The following SPMIP7 variants were observed in gnomAD, a reference collection of about 807,000 sequenced individuals.
SPMIP7 encodes the protein protein SPMIP7.
At chr7:50,134,288 A>G in the SPMIP7 span, 54 of 1,465,032 alleles carry the variant, frequency 3.7e-5, no homozygotes, top group African/African-American at 6.0e-4. Flanking sequence ...TCTCATTGTT[A>G]TTGAAATGAG....
At chr7:50,145,676 G>C in the SPMIP7 span, among the ~76,000 whole-genome samples, 1 of 89,060 alleles carries the variant, frequency 1.1e-5, no homozygotes, top group African/African-American at 4.2e-5. Flanking sequence ...TACATATATG[G>C]GAGAGAGCCC....
the SPMIP7 span, among the ~76,000 whole-genome samples, chr7:50,110,403 CAT>C: frequency 1.4e-5 from 2 of 147,136 alleles, no homozygotes; most frequent in Non-Finnish European, 3.0e-5. Flanking sequence ...ACATATTTAA[CAT>C]ATAATATATT....
At chr7:50,130,182 C>A in the SPMIP7 span, among the ~76,000 whole-genome samples, 1 of 152,218 alleles carries the variant, frequency 6.6e-6, no homozygotes, top group East Asian at 1.9e-4. Flanking sequence ...GATCTCTGCT[C>A]TCAAATCTCT....
the SPMIP7 span, among the ~76,000 whole-genome samples, chr7:50,123,639 T>C: frequency 6.6e-6 from 1 of 151,588 alleles, no homozygotes; most frequent in African/African-American, 2.4e-5. Context: ...TGAAGTGGTA[T>C]GTTAACTCTA....
the SPMIP7 span, among the ~76,000 whole-genome samples, chr7:50,158,083 C>G: frequency 6.6e-6 from 1 of 152,156 alleles, no homozygotes; most frequent in Non-Finnish European, 1.5e-5. Flanking sequence ...CCAGCAGCCT[C>G]TGGGGTAGGC....
At chr7:50,104,922 G>A in the SPMIP7 span, among the ~76,000 whole-genome samples, 2 of 152,076 alleles carry the variant, frequency 1.3e-5, no homozygotes, top group African/African-American at 2.4e-5. Context: ...TATATCACTG[G>A]AACAACAATC....
the SPMIP7 span, among the ~76,000 whole-genome samples, chr7:50,115,050 A>G: frequency 6.6e-6 from 1 of 151,470 alleles, no homozygotes; most frequent in East Asian, 1.9e-4. Context: ...AAAAAAAATT[A>G]GTACCCTACT....
the SPMIP7 span, chr7:50,139,995 T>C: frequency 1.7e-6 from 1 of 579,348 alleles, no homozygotes; most frequent in South Asian, 2.6e-5. Context: ...TTAAATAGTC[T>C]CTGTTTAAAA....
chr7:50,132,128 A>T, the SPMIP7 span, among the ~76,000 whole-genome samples: 23 of 152,146 alleles, frequency 1.5e-4, no homozygotes, highest in Admixed American at 1.5e-3. Flanking sequence ...AAGTATTAGA[A>T]CAACATGAGG....
At chr7:50,117,868 G>A in the SPMIP7 span, among the ~76,000 whole-genome samples, 7 of 152,242 alleles carry the variant, frequency 4.6e-5, no homozygotes, top group Admixed American at 2.0e-4. Context: ...TGATTTTGGC[G>A]TGTTATAGAA....
chr7:50,149,132 G>A, the SPMIP7 span, among the ~76,000 whole-genome samples: 7 of 113,498 alleles, frequency 6.2e-5, no homozygotes, highest in Non-Finnish European at 5.5e-5. Flanking sequence ...GCAATACAGC[G>A]AGATTCCATC....
At chr7:50,134,110 C>G in the SPMIP7 span, 1 of 1,541,840 alleles carries the variant, frequency 6.5e-7, no homozygotes. Context: ...CTTCATAGAG[C>G]TTATGAAGAT....
chr7:50,151,683 A>G, the SPMIP7 span: 1 of 672,814 alleles, frequency 1.5e-6, no homozygotes, highest in Non-Finnish European at 2.4e-6. Flanking sequence ...AAAATGTGGC[A>G]TCAAGTCCGA....
At chr7:50,124,080 G>A in the SPMIP7 span, among the ~76,000 whole-genome samples, 1 of 152,114 alleles carries the variant, frequency 6.6e-6, no homozygotes, top group Non-Finnish European at 1.5e-5. Flanking sequence ...TAAATAGGCT[G>A]TAGTGGCTAT....
chr7:50,154,160 T>G, the SPMIP7 span, among the ~76,000 whole-genome samples: 1 of 152,208 alleles, frequency 6.6e-6, no homozygotes, highest in Non-Finnish European at 1.5e-5. Context: ...TGATGACATA[T>G]GGGTATATAG....
chr7:50,134,309 T>G, the SPMIP7 span: 5 of 1,394,606 alleles, frequency 3.6e-6, 1 homozygote, highest in South Asian at 7.5e-5. Flanking sequence ...TTCTAAAACT[T>G]TAAGTCAAAA....
At chr7:50,152,642 G>C in the SPMIP7 span, among the ~76,000 whole-genome samples, 1 of 151,314 alleles carries the variant, frequency 6.6e-6, no homozygotes, top group South Asian at 2.1e-4. Flanking sequence ...TTTTGGTAGA[G>C]GATTCATTCG....
At chr7:50,139,765 T>C in the SPMIP7 span, among the ~76,000 whole-genome samples, 10 of 152,232 alleles carry the variant, frequency 6.6e-5, no homozygotes, top group South Asian at 1.0e-3. Context: ...TTATTCATGA[T>C]CTCCAAAACC....
chr7:50,137,431 C>T, the SPMIP7 span, among the ~76,000 whole-genome samples: 1 of 152,078 alleles, frequency 6.6e-6, no homozygotes, highest in African/African-American at 2.4e-5. Flanking sequence ...TTCATCCATT[C>T]TCATAATTAT....
Sources: allele counts gnomAD v4.1 joint callset (sites outside exome capture counted in the v4.1 genomes callset), GRCh38; gene constraint gnomAD v4.1.1; transcripts MANE v1.5; gene names NCBI Gene and HGNC (gene_info 2026-07-23, HGNC 2026-07-21).